FKBP5: variants seen among roughly 807,000 people sequenced by gnomAD.
The protein encoded by FKBP5 is FKBP prolyl isomerase 5.
In FKBP5, 23 loss-of-function variants were observed where a neutral mutation model predicts 50.5. That is an observed-to-expected ratio of 0.46 (90% CI 0.33 to 0.65). The LOEUF is 0.65. Ranked by LOEUF, FKBP5 falls within the 30% of genes least tolerant of loss-of-function variation. The pLI, the probability that FKBP5 is intolerant of heterozygous loss-of-function variation, is 0.02. For missense variants in FKBP5, 411 were observed against 553.1 expected (o/e 0.74, Z 2.58); for synonymous variants, 176 against 190.6 (o/e 0.92, Z 0.63).
intron 5 of FKBP5, among the ~76,000 whole-genome samples, chr6:35,612,921 TGG>T (rs1469942407): frequency 6.6e-6 from 1 of 152,228 alleles, no homozygotes; most frequent in Non-Finnish European, 1.5e-5. Context: ...ACACAACCTG[TGG>T]GAGTGAAAAC....
At chr6:35,604,367 T>C (rs1189512652) in intron 5 of FKBP5, among the ~76,000 whole-genome samples, 1 of 152,196 alleles carries the variant, frequency 6.6e-6, no homozygotes, top group Non-Finnish European at 1.5e-5. Flanking sequence ...GATAACTTTT[T>C]GGAAGAAAGA....
intron 1 of FKBP5, among the ~76,000 whole-genome samples, chr6:35,654,821 G>A (rs980436378): frequency 6.6e-6 from 1 of 152,124 alleles, no homozygotes; most frequent in African/African-American, 2.4e-5. Flanking sequence ...TCTCTCATAA[G>A]CTGTATCCAG....
intron 9 of FKBP5, among the ~76,000 whole-genome samples, chr6:35,578,781 AAG>A (rs1554129960): frequency 6.6e-6 from 1 of 151,622 alleles, no homozygotes; most frequent in African/African-American, 2.4e-5. Context: ...AAAAAAAAAA[AAG>A]AGGAAAATAA....
intron 2 of FKBP5, among the ~76,000 whole-genome samples, chr6:35,702,374 A>AG (rs148861980): frequency 0.14 from 21,281 of 151,760 alleles, 1,949 homozygotes; most frequent in Non-Finnish European, 0.2. Context: ...AGGTTAAAAA[A>AG]AAAAAGACAG....
At chr6:35,604,933 C>T (rs376951106) in intron 5 of FKBP5, among the ~76,000 whole-genome samples, 3 of 151,912 alleles carry the variant, frequency 2.0e-5, no homozygotes, top group African/African-American at 4.8e-5. Context: ...TACAGGCGCC[C>T]GCCACCATGC....
intron 1 of FKBP5, among the ~76,000 whole-genome samples, chr6:35,682,324 A>G (rs563041870): frequency 7.9e-5 from 12 of 152,312 alleles, no homozygotes; most frequent in African/African-American, 2.9e-4. Context: ...TGCAGACTCA[A>G]TCTCTAAGAT....
intron 4 of FKBP5, 44 bp from the exon 5 acceptor site, chr6:35,619,254 G>T: frequency 7.3e-7 from 1 of 1,371,778 alleles, no homozygotes. Context: ...ACCAAATAAA[G>T]CCAACTGAAC....
At chr6:35,722,488 G>A (rs1025283998) in intron 1 of FKBP5, among the ~76,000 whole-genome samples, 3 of 152,136 alleles carry the variant, frequency 2.0e-5, no homozygotes, top group Non-Finnish European at 2.9e-5. Flanking sequence ...GGAACCATGA[G>A]GCTGCCTGGG....
At chr6:35,591,063 A>T in intron 7 of FKBP5, 67 bp downstream of exon 7, 2 of 1,031,264 alleles carry the variant, frequency 1.9e-6, no homozygotes, top group South Asian at 2.8e-5. Context: ...AAGATAAGAT[A>T]CTGATTTATA....
rs11545923 is a variant in FKBP5 at position 35,574,014 on chromosome 6, C to T, written c.*1821G>A. ...AATTTCAATCTTGGCCTCACTGGAA[C>T]CATGCTCTACAGAGCTTTCCCAACA... On this transcript the variant is annotated 3_prime_UTR_variant, in exon 11 of 11. Coordinates refer to ENST00000357266, the MANE Select transcript of FKBP5 (RefSeq NM_004117.4). 6.6e-6 allele frequency: 1 copy of T among 152,328 alleles called. No individual in the cohort carries two copies. The highest frequency in any genetic ancestry group is 2.1e-4 in the South Asian group (1 of 4,828). 9.4% of individuals were successfully genotyped at this position (152,328 alleles called of 1,614,324 possible).
intron 2 of FKBP5, among the ~76,000 whole-genome samples, chr6:35,701,522 C>T (rs1240268588): frequency 2.0e-5 from 3 of 151,530 alleles, no homozygotes; most frequent in Non-Finnish European, 2.9e-5. Context: ...GGATTACAGG[C>T]GTGAGCCACC....
At chr6:35,697,547 C>A (rs373682465) in intron 2 of FKBP5, among the ~76,000 whole-genome samples, 366 of 123,996 alleles carry the variant, frequency 3.0e-3, no homozygotes, top group South Asian at 4.0e-3. Context: ...AACTCTGTCT[C>A]AAAAAAAAAA....
chr6:35,718,597 C>T (rs1327852428), intron 2 of FKBP5, among the ~76,000 whole-genome samples: 1 of 152,154 alleles, frequency 6.6e-6, no homozygotes, highest in African/African-American at 2.4e-5. Context: ...GGTATAAGGC[C>T]CGGCCTCACC....
At chr6:35,673,066 T>C (rs191387637) in intron 1 of FKBP5, among the ~76,000 whole-genome samples, 5 of 152,198 alleles carry the variant, frequency 3.3e-5, no homozygotes, top group Admixed American at 3.3e-4. Context: ...GGAATTAACA[T>C]TATATAAGAG....
intron 7 of FKBP5, among the ~76,000 whole-genome samples, chr6:35,589,130 T>TA (rs1561846638): frequency 0.059 from 6,610 of 112,848 alleles, 271 homozygotes; most frequent in Admixed American, 0.12. Context: ...ATATATATAT[T>TA]TTTTTTTTTT....
chr6:35,605,028 G>A (rs1380549476), intron 5 of FKBP5, among the ~76,000 whole-genome samples: 4 of 151,832 alleles, frequency 2.6e-5, no homozygotes, highest in Admixed American at 6.6e-5. Context: ...CGTGATCCAC[G>A]TGCCTCGGCC....
chr6:35,581,596 AC>A, intron 8 of FKBP5: 1 of 800,268 alleles, frequency 1.2e-6, no homozygotes, highest in East Asian at 1.2e-4. Context: ...CAAAAACAAA[AC>A]AAAACAAAAC....
chr6:35,606,119 A>G (rs951621926), intron 5 of FKBP5, among the ~76,000 whole-genome samples: 4 of 152,274 alleles, frequency 2.6e-5, no homozygotes, highest in African/African-American at 9.6e-5. Context: ...AACGAAGCAG[A>G]TGGACAAACT....
At chr6:35,726,979 C>T (rs893736258) in intron 1 of FKBP5, among the ~76,000 whole-genome samples, 2 of 152,146 alleles carry the variant, frequency 1.3e-5, no homozygotes, top group African/African-American at 4.8e-5. Context: ...CACGCTGTGC[C>T]GTGAGAAAGG....
Sources: allele counts gnomAD v4.1 joint callset (sites outside exome capture counted in the v4.1 genomes callset), GRCh38; gene constraint gnomAD v4.1.1; transcripts MANE v1.5; gene names NCBI Gene and HGNC (gene_info 2026-07-23, HGNC 2026-07-21).